Variants in SYT14 observed in about 807,000 individuals in gnomAD.
SYT14 encodes synaptotagmin 14, also known as synaptotagmin-14.
In SYT14, 32 loss-of-function variants were observed where a neutral mutation model predicts 74.2. The ratio of observed to expected loss-of-function variants is 0.43; its 90% CI spans 0.33 to 0.58. The LOEUF is 0.58. SYT14 is among the 20% of genes least tolerant of loss of function. The pLI is 0.05. For synonymous variants in SYT14, 298 were observed against 337.7 expected (o/e 0.88, Z 1.29); for missense variants, 791 against 981.8 (o/e 0.81, Z 2.60).
intron 5 of SYT14, among the ~76,000 whole-genome samples, chr1:210,042,536 A>G (rs2080810750): frequency 1.3e-5 from 2 of 152,174 alleles, no homozygotes; most frequent in African/African-American, 2.4e-5. Flanking sequence ...TAATTTTTGT[A>G]TAAGGTGTAA....
chr1:210,065,676 CTT>C (rs2081282503), intron 5 of SYT14, among the ~76,000 whole-genome samples: 1 of 151,684 alleles, frequency 6.6e-6, no homozygotes, highest in Admixed American at 6.6e-5. Context: ...ATTTACTTAA[CTT>C]TTCATTTTCA....
chr1:210,139,265 C>CTTTTTT (rs960923188), intron 7 of SYT14, among the ~76,000 whole-genome samples: 72 of 95,806 alleles, frequency 7.5e-4, no homozygotes, highest in East Asian at 1.7e-3. Flanking sequence ...TTTCTTTTTT[C>CTTTTTT]TTTTTTTTTT....
At chr1:210,083,402 G>A (rs1330743786) in intron 5 of SYT14, among the ~76,000 whole-genome samples, 1 of 152,116 alleles carries the variant, frequency 6.6e-6, no homozygotes, top group African/African-American at 2.4e-5. Flanking sequence ...TGTATCTGAA[G>A]GTGCAAAAGA....
chr1:210,057,377 C>T (rs947320113), intron 5 of SYT14, among the ~76,000 whole-genome samples: 1 of 152,158 alleles, frequency 6.6e-6, no homozygotes. Flanking sequence ...TTTAGCACTG[C>T]ATTTCAAGGC....
At chr1:210,122,421 T>C (rs1479473592) in intron 7 of SYT14, among the ~76,000 whole-genome samples, 1 of 152,208 alleles carries the variant, frequency 6.6e-6, no homozygotes, top group Non-Finnish European at 1.5e-5. Context: ...TCTGAAACTT[T>C]CTTGGTTGTC....
intron 2 of SYT14, among the ~76,000 whole-genome samples, chr1:209,960,123 C>G (rs140703958): frequency 2.3e-3 from 346 of 152,080 alleles, no homozygotes; most frequent in African/African-American, 7.7e-3. Context: ...GTTAATATGT[C>G]CAAGTCATAT....
chr1:209,957,108 A>G (rs2079006071), intron 2 of SYT14, among the ~76,000 whole-genome samples: 1 of 152,104 alleles, frequency 6.6e-6, no homozygotes, highest in Non-Finnish European at 1.5e-5. Flanking sequence ...ACTCACATGT[A>G]CTTTCAGAGT....
At chr1:210,071,234 A>G (rs1337460475) in intron 5 of SYT14, among the ~76,000 whole-genome samples, 1 of 150,766 alleles carries the variant, frequency 6.6e-6, no homozygotes, top group Non-Finnish European at 1.5e-5. Context: ...ATATATATGT[A>G]TTGCTTGTAA....
At chr1:210,132,222 G>A (rs1193356242) in intron 7 of SYT14, among the ~76,000 whole-genome samples, 1 of 152,034 alleles carries the variant, frequency 6.6e-6, no homozygotes, top group Admixed American at 6.5e-5. Context: ...ATTCTGCTCA[G>A]GATCTGATGG....
At chr1:210,129,919 A>G (rs1310335186) in intron 7 of SYT14, among the ~76,000 whole-genome samples, 4 of 152,196 alleles carry the variant, frequency 2.6e-5, no homozygotes, top group South Asian at 2.1e-4. Context: ...TAAAAGCTCT[A>G]CAAGAGCCTC....
At chr1:210,014,466 A>G (rs1417660870) in intron 3 of SYT14, among the ~76,000 whole-genome samples, 3 of 151,126 alleles carry the variant, frequency 2.0e-5, no homozygotes, top group African/African-American at 7.3e-5. Flanking sequence ...TTCTATTTCC[A>G]AAGACTGGTT....
At chr1:210,097,004 TA>T (rs1202465003) in intron 6 of SYT14, among the ~76,000 whole-genome samples, 1 of 152,254 alleles carries the variant, frequency 6.6e-6, no homozygotes, top group African/African-American at 2.4e-5. Context: ...CAGAAGCTGC[TA>T]ACTTGCTATC....
intron 5 of SYT14, among the ~76,000 whole-genome samples, chr1:210,022,860 C>G (rs907002496): frequency 1.3e-5 from 2 of 151,912 alleles, no homozygotes; most frequent in Non-Finnish European, 2.9e-5. Context: ...TCTCTTTCCT[C>G]TCACCCCAAC....
At chr1:210,082,495 CAGTT>C (rs2081635117) in intron 5 of SYT14, among the ~76,000 whole-genome samples, 2 of 152,300 alleles carry the variant, frequency 1.3e-5, no homozygotes, top group South Asian at 2.1e-4. Flanking sequence ...TTTTTCTACT[CAGTT>C]AGCTAGTCAT....
intron 7 of SYT14, among the ~76,000 whole-genome samples, chr1:210,145,257 T>C (rs1341824682): frequency 6.6e-6 from 1 of 152,214 alleles, no homozygotes; most frequent in Non-Finnish European, 1.5e-5. Context: ...TAAAGACTTA[T>C]CTATCACTAG....
At chr1:210,002,152 C>CT (rs2079911989) in intron 2 of SYT14, among the ~76,000 whole-genome samples, 1 of 152,018 alleles carries the variant, frequency 6.6e-6, no homozygotes. Flanking sequence ...TTTTTTAGTT[C>CT]TTTTTAAATT....
At chr1:210,089,593 A>G (rs1409678171) in intron 5 of SYT14, among the ~76,000 whole-genome samples, 1 of 152,078 alleles carries the variant, frequency 6.6e-6, no homozygotes. Context: ...TCTAATTTGT[A>G]TTGTGATTTC....
chr1:210,120,260 A>G (rs1227609803), intron 7 of SYT14, among the ~76,000 whole-genome samples: 2 of 152,154 alleles, frequency 1.3e-5, no homozygotes, highest in South Asian at 2.1e-4. Flanking sequence ...ATATACAGTC[A>G]TGCACCACAC....
At chr1:210,156,527 A>ACTATATGC (rs1201772838) in intron 8 of SYT14, among the ~76,000 whole-genome samples, 22 of 152,098 alleles carry the variant, frequency 1.4e-4, no homozygotes, top group Non-Finnish European at 3.1e-4. Context: ...CTCTGCCCTG[A>ACTATATGC]CTATATGCGT....
Sources: gnomAD v4.1 joint callset for allele counts (sites outside exome capture counted in the v4.1 genomes callset) on GRCh38, gnomAD v4.1.1 for gene constraint, MANE v1.5 for transcripts, NCBI Gene and HGNC (gene_info 2026-07-23, HGNC 2026-07-21) for gene names.